Variants in DHX33 observed in about 807,000 individuals in gnomAD.
DHX33 encodes ATP-dependent RNA helicase DHX33.
DHX33 carries 42 observed loss-of-function variants against 72.5 expected under a neutral mutation model. The ratio of observed to expected loss-of-function variants is 0.58; its 90% CI spans 0.45 to 0.75. The LOEUF (loss-of-function observed/expected upper bound fraction) is 0.75. DHX33 is among the 30% of genes least tolerant of loss of function. DHX33 has a pLI of 0.00. For synonymous variants in DHX33, 358 were observed against 366.1 expected, an observed-to-expected ratio of 0.98 and a Z score of 0.25; for missense variants, 842 against 917.5, an observed-to-expected ratio of 0.92 and a Z score of 1.06.
intron 11 of DHX33, among the ~76,000 whole-genome samples, chr17:5,446,390 C>T (rs1041699167): frequency 1.3e-5 from 2 of 152,198 alleles, no homozygotes; most frequent in African/African-American, 4.8e-5. Flanking sequence ...ATCAGCTTTA[C>T]CACTCACTGG....
Position 5,443,954 on chromosome 17 carries a change from T to G in DHX33, c.*251A>C. 2.2e-6 allele frequency: 1 copy of G among 445,918 alleles called. No homozygotes were observed. The allele number at this position is 445,918 out of a possible 1,614,324, so 27.6% of individuals were successfully genotyped here. A position where few individuals can be genotyped will look rare whatever the true frequency, so the allele number is the denominator to read the frequency against. ...GCAGATGAGAAAACTGAGGCTCAGGTGTTAAATTAAGTCAAAGTCACCCAG... is the reference window on the plus strand; with the variant it reads ...GCAGATGAGAAAACTGAGGCTCAGGGGTTAAATTAAGTCAAAGTCACCCAG... On this transcript the variant is annotated 3_prime_UTR_variant, in exon 12 of 12. Transcript: ENST00000225296.
chr17:5,452,973 C>T (rs1356339048), intron 8 of DHX33, among the ~76,000 whole-genome samples: 1 of 152,022 alleles, frequency 6.6e-6, no homozygotes, highest in Non-Finnish European at 1.5e-5. Context: ...GAAAATGGTG[C>T]GTTGATGAGA....
Position 5,462,556 on chromosome 17 carries a change from G to T in DHX33, c.451-10C>A, listed in dbSNP as rs1348435906. On this transcript the variant is annotated splice_polypyrimidine_tract_variant and intron_variant, in intron 2 of 11. Coordinates refer to ENST00000225296, the MANE Select transcript of DHX33 (RefSeq NM_020162.4). The stretch of plus-strand genomic sequence containing the variant: ...GCACTGTATAGCCAACCTGTGCAGG[G>T]AAACAATTTATTCAGTCACCAAACA... 17 of 1,604,772 alleles carry T rather than the reference G, an allele frequency of 1.1e-5. No individual in the cohort carries two copies. The highest frequency in any genetic ancestry group is 2.2e-5 in the East Asian group (1 of 44,814).
At chr17:5,465,409 G>A (rs930681681) in intron 1 of DHX33, among the ~76,000 whole-genome samples, 5 of 152,162 alleles carry the variant, frequency 3.3e-5, no homozygotes, top group African/African-American at 9.7e-5. Flanking sequence ...TATCTTTCAT[G>A]CTCCTATACC....
Position 5,444,477 on chromosome 17 carries a change from C to G in DHX33, c.1852G>C (p.Glu618Gln), listed in dbSNP as rs1284518080. ...MPIASSRGDV[E>Q]SVRRCLAHSL... ...TGAGCCAGGCAGCGGCGGACACTCT[C>G]CACGTCTCCTCGGGATGATGCGATT... Residue 618 changes from glutamate (E) to glutamine (Q), a missense_variant, in exon 12 of 12, where the codon GAG (glutamate) becomes CAG (glutamine). By Grantham distance (29) the Glu-to-Gln change is conservative. Transcript: ENST00000225296. This position sits in a 1 kb window ranked among gnomAD's most constrained non-coding sequence, Gnocchi z 4.9. The G allele has an allele frequency of 2.7e-5, 44 of 1,614,024 alleles. No individual in the cohort carries two copies. The highest frequency in any genetic ancestry group is 3.4e-5 in the Non-Finnish European group (40 of 1,180,042).
At chr17:5,456,315 T>C in intron 4 of DHX33, 133 bp from the exon 5 acceptor site, 1 of 1,016,494 alleles carries the variant, frequency 9.8e-7, no homozygotes. Context: ...GCCTAAAAGT[T>C]GATGTCTAGC....
Position 5,461,129 on chromosome 17 carries a change from G to C in DHX33, c.679-20C>G. On this transcript the variant is annotated intron_variant, in intron 3 of 11. Coordinates refer to ENST00000225296, the MANE Select transcript of DHX33 (RefSeq NM_020162.4). ...AATCACCTGCATAAGAGAACGAAGA[G>C]GAGGACCAGAAACAAATAGTGGGAA... The C allele has an allele frequency of 6.3e-7, 1 of 1,592,144 alleles. No homozygotes were observed. Among genetic ancestry groups the C allele is most frequent in the Non-Finnish European group, 8.6e-7 (1 of 1,164,818 alleles).
At chr17:5,454,074 C>G (rs984475761) in intron 6 of DHX33, 94 bp from the exon 7 acceptor site, 7 of 1,437,866 alleles carry the variant, frequency 4.9e-6, no homozygotes, top group Non-Finnish European at 9.4e-7. Context: ...GTTCTTTCAG[C>G]AACACGGGGG....
At chr17:5,449,531 G>C (rs1229070442) in intron 10 of DHX33, among the ~76,000 whole-genome samples, 4 of 152,192 alleles carry the variant, frequency 2.6e-5, no homozygotes, top group South Asian at 4.1e-4. Flanking sequence ...CTGCCTCCCA[G>C]GTTCAAATGA....
intron 9 of DHX33, 85 bp from the exon 10 acceptor site, chr17:5,450,491 TC>T (rs1236702653): frequency 6.9e-7 from 1 of 1,455,154 alleles, no homozygotes; most frequent in Non-Finnish European, 9.5e-7. Flanking sequence ...TTTTGCAGTT[TC>T]CCTTCTAAGG....
chr17:5,444,735 G>A lies in DHX33; in HGVS notation c.1816-222C>T, dbSNP rs948521889. Among the ~76,000 whole-genome samples, 1 of 152,168 alleles carries A rather than the reference G, an allele frequency of 6.6e-6. No individual in the cohort carries two copies. The highest frequency in any genetic ancestry group is 2.4e-5 in the African/African-American group (1 of 41,428). On this transcript the variant is annotated intron_variant, in intron 11 of 11. Transcript: ENST00000225296. The surrounding 1 kb of genome is among the most constrained non-coding windows in gnomAD (Gnocchi z 4.9). ...ACGGACCAGAAACAGGGAAACTACC[G>A]CCTGTGAAGGTAGGGCTGGGAGGGA...
chr17:5,455,699 A>G (rs1352479821), intron 5 of DHX33, among the ~76,000 whole-genome samples: 1 of 152,244 alleles, frequency 6.6e-6, no homozygotes, highest in East Asian at 1.9e-4. Flanking sequence ...GCAAAGGCAC[A>G]CAAGAAATGG....
rs1191355901 is a variant in DHX33 at position 5,456,076 on chromosome 17, C to A, written c.956G>T (p.Cys319Phe). ...CAGAGGAAGGACCAGCATCGCAGGG[C>A]AGCCGTCTGGGAGGTGCTTTGCAAT... ...RDIAKHLPDG[C>F]PAMLVLPLYA... The change falls in exon 5 of 12, where the codon TGC becomes TTC. Residue 319 changes from cysteine (C) to phenylalanine (F), a missense_variant. Cys to Phe is a radical substitution (Grantham distance 205, BLOSUM62 -2). Transcript: ENST00000225296. 1.2e-6 allele frequency: 2 copies of A among 1,613,744 alleles called. No homozygotes were observed. Among genetic ancestry groups the A allele is most frequent in the Admixed American group, 3.3e-5 (2 of 60,004 alleles).
rs947078989 is a variant in DHX33 at position 5,442,863 on chromosome 17, G to A, written c.*1342C>T. 6.6e-6 allele frequency: 1 copy of A among 152,184 alleles called. No individual in the cohort carries two copies. The highest frequency in any genetic ancestry group is 2.4e-5 in the African/African-American group (1 of 41,430). 9.4% of individuals were successfully genotyped at this position (152,184 alleles called of 1,614,324 possible). ...GCTTCTGATAATTAAATAGCTAAGA[G>A]GAACCGTTAGTGCCTTTTCTCTGCT... is the stretch of plus-strand genomic sequence containing the variant. On this transcript the variant is annotated 3_prime_UTR_variant, in exon 12 of 12. Transcript: ENST00000225296.
chr17:5,455,055 T>G (rs1030652639), intron 6 of DHX33, 105 bp downstream of exon 6: 2 of 1,037,402 alleles, frequency 1.9e-6, no homozygotes, highest in Non-Finnish European at 2.9e-6. Flanking sequence ...CCACCTGAAT[T>G]TGTTAGTTAC....
At chr17:5,465,949 C>T (rs770708745) in intron 1 of DHX33, among the ~76,000 whole-genome samples, 6 of 152,168 alleles carry the variant, frequency 3.9e-5, no homozygotes, top group Non-Finnish European at 7.3e-5. Context: ...AGCCTCTTAG[C>T]CTTCCTCCTC....
chr17:5,456,112 G>C lies in DHX33; in HGVS notation c.920C>G (p.Thr307Arg), dbSNP rs138164512. 90 of 1,613,980 alleles carry C rather than the reference G, an allele frequency of 5.6e-5. No individual in the cohort carries two copies. Among genetic ancestry groups the C allele is most frequent in the Non-Finnish European group, 7.3e-5 (86 of 1,180,038 alleles). ...GQEEIEAMSK[T>R]CRDIAKHLPD... ...GAGGTGCTTTGCAATGTCTCGGCAC[G>C]TCTTGCTCATGGCTTCGATCTCCTC... Residue 307 changes from threonine (T) to arginine (R), a missense_variant, in exon 5 of 12, where the codon ACG (threonine) becomes AGG (arginine). Coordinates refer to ENST00000225296, the MANE Select transcript of DHX33 (RefSeq NM_020162.4).
intron 8 of DHX33, among the ~76,000 whole-genome samples, chr17:5,451,385 G>A (rs141928339): frequency 0.038 from 5,792 of 152,302 alleles, 181 homozygotes; most frequent in African/African-American, 0.082. Context: ...GATTACAGGT[G>A]TGAGCCACCA....
At chr17:5,452,081 G>A (rs1298681871) in intron 8 of DHX33, among the ~76,000 whole-genome samples, 2 of 151,976 alleles carry the variant, frequency 1.3e-5, no homozygotes, top group Non-Finnish European at 2.9e-5. Flanking sequence ...GAGGGCAAGT[G>A]GGTGGGGGGG....
Sources: allele counts gnomAD v4.1 joint callset (sites outside exome capture counted in the v4.1 genomes callset), GRCh38; gene constraint gnomAD v4.1.1; non-coding constraint Gnocchi (gnomAD v3.1); transcripts MANE v1.5; gene names NCBI Gene and HGNC (gene_info 2026-07-23, HGNC 2026-07-21).